REXO5: variants seen among roughly 807,000 people sequenced by gnomAD.
The protein encoded by REXO5 is exonuclease NEF-sp.
REXO5 carries 48 observed loss-of-function variants against 88.5 expected under a neutral mutation model. That is an observed-to-expected ratio of 0.54 (90% CI 0.43 to 0.69). The LOEUF (loss-of-function observed/expected upper bound fraction) is 0.69, where lower values mean the gene tolerates loss of function less well. Among genes scored for constraint, REXO5 ranks in the 30% least tolerant of loss-of-function variants. The pLI, the probability that REXO5 is intolerant of heterozygous loss-of-function variation, is 0.00. For synonymous variants in REXO5, 311 were observed against 336.5 expected, an observed-to-expected ratio of 0.92 and a Z score of 0.83; for missense variants, 749 against 912.2, an observed-to-expected ratio of 0.82 and a Z score of 2.30.
chr16:20,845,209 G>A lies in REXO5; in HGVS notation c.2092G>A (p.Val698Ile). The A allele has an allele frequency of 6.2e-7, 1 of 1,613,500 alleles. No homozygotes were observed. The highest frequency in any genetic ancestry group is 1.1e-5 in the South Asian group (1 of 90,914). ...ESTRLPGLRVVPPPFEQEALQ... is the reference protein window; with the variant it reads ...ESTRLPGLRVIPPPFEQEALQ... ...AACAAGGCTCCCAGGGCTTCGTGTT[G>A]TACCTCCCCCCTTTGAACAGGAGGC... The change falls in exon 18 of 20, where the codon GTA becomes ATA. Residue 698 changes from valine (V) to isoleucine (I), a missense_variant. Val to Ile is a conservative substitution (Grantham distance 29, BLOSUM62 3). Coordinates refer to ENST00000261377, the MANE Select transcript of REXO5 (RefSeq NM_030941.3).
chr16:20,807,421 C>A (rs917657536), intron 2 of REXO5: 3 of 287,688 alleles, frequency 1.0e-5, no homozygotes, highest in African/African-American at 2.2e-5. Flanking sequence ...CTACCAAAAA[C>A]ACACACACAA....
At chr16:20,845,744 A>C (rs1247929943) in intron 18 of REXO5, among the ~76,000 whole-genome samples, 1 of 152,074 alleles carries the variant, frequency 6.6e-6, no homozygotes, top group Non-Finnish European at 1.5e-5. Flanking sequence ...GGAAGAAATT[A>C]ACTCACTTTA....
chr16:20,808,487 C>T (rs1380465317), intron 2 of REXO5, among the ~76,000 whole-genome samples: 1 of 151,944 alleles, frequency 6.6e-6, no homozygotes, highest in African/African-American at 2.4e-5. Flanking sequence ...TGCTGGGGCA[C>T]TGACCTAGGT....
intron 2 of REXO5, among the ~76,000 whole-genome samples, chr16:20,811,552 G>A (rs2080998948): frequency 6.6e-6 from 1 of 152,036 alleles, no homozygotes; most frequent in Non-Finnish European, 1.5e-5. Flanking sequence ...TAGGGAGTTG[G>A]TTTCAAAAAA....
intron 5 of REXO5, 80 bp from the exon 6 acceptor site, chr16:20,821,682 G>A: frequency 7.6e-7 from 1 of 1,316,998 alleles, no homozygotes; most frequent in Non-Finnish European, 1.0e-6. Context: ...CTTGTGCTTA[G>A]CCTATACAAC....
intron 18 of REXO5, 144 bp downstream of exon 18, chr16:20,845,385 C>A: frequency 1.8e-6 from 1 of 554,762 alleles, no homozygotes; most frequent in Non-Finnish European, 3.0e-6. Context: ...CACATCTTTT[C>A]TCGCAGATCT....
chr16:20,841,611 A>T (rs1395409002), intron 15 of REXO5, among the ~76,000 whole-genome samples: 1 of 152,082 alleles, frequency 6.6e-6, no homozygotes, highest in East Asian at 1.9e-4. Flanking sequence ...TTTTTAATTT[A>T]ATTTTTATTT....
At position 20,813,179 on chromosome 16, in the gene REXO5, A is replaced by G. The variant is rs776280803; in HGVS notation, c.139-11A>G. 6.4e-7 allele frequency: 1 copy of G among 1,569,420 alleles called. No homozygotes were observed. The highest frequency in any genetic ancestry group is 1.4e-5 in the African/African-American group (1 of 73,948). On this transcript the variant is annotated splice_polypyrimidine_tract_variant and intron_variant, in intron 2 of 19. Coordinates refer to ENST00000261377, the MANE Select transcript of REXO5 (RefSeq NM_030941.3). The stretch of plus-strand genomic sequence containing the variant: ...AATAATGGCTTGCTACGCCCTGATT[A>G]ATCTTTGCAGAAAGCCCGCTTATCT...
intron 11 of REXO5, among the ~76,000 whole-genome samples, chr16:20,831,869 T>C (rs1413825020): frequency 6.6e-6 from 1 of 152,152 alleles, no homozygotes; most frequent in Non-Finnish European, 1.5e-5. Context: ...TGAGCCAAAA[T>C]TGACATCCTT....
chr16:20,842,214 C>T (rs1165968125), intron 15 of REXO5, among the ~76,000 whole-genome samples: 1 of 151,960 alleles, frequency 6.6e-6, no homozygotes, highest in Non-Finnish European at 1.5e-5. Context: ...CCCCCCAGCC[C>T]CTGGTAATCA....
At chr16:20,823,281 A>AT (rs944624523) in intron 6 of REXO5, among the ~76,000 whole-genome samples, 1 of 152,024 alleles carries the variant, frequency 6.6e-6, no homozygotes, top group African/African-American at 2.4e-5. Flanking sequence ...CATAAATTTT[A>AT]TTTTTTTAAT....
chr16:20,815,766 C>T (rs2081072525), intron 4 of REXO5, among the ~76,000 whole-genome samples: 1 of 152,208 alleles, frequency 6.6e-6, no homozygotes, highest in Non-Finnish European at 1.5e-5. Flanking sequence ...CTGAAGCTCT[C>T]AACCTTTTTG....
At chr16:20,826,794 T>C (rs1311514637) in intron 8 of REXO5, among the ~76,000 whole-genome samples, 2 of 152,212 alleles carry the variant, frequency 1.3e-5, no homozygotes, top group Non-Finnish European at 2.9e-5. Flanking sequence ...AAGCAGCTCA[T>C]GCATTATGAT....
At chr16:20,815,154 A>C in intron 4 of REXO5, 101 bp downstream of exon 4, 2 of 1,313,696 alleles carry the variant, frequency 1.5e-6, no homozygotes, top group Non-Finnish European at 2.1e-6. Context: ...TAACTGAACA[A>C]ACAGTAGGGG....
chr16:20,818,197 T>G (rs2081110542), intron 5 of REXO5, among the ~76,000 whole-genome samples: 1 of 152,176 alleles, frequency 6.6e-6, no homozygotes, highest in African/African-American at 2.4e-5. Context: ...TTCTCCTCCT[T>G]TTCTTCAAAG....
intron 13 of REXO5, among the ~76,000 whole-genome samples, chr16:20,836,066 A>G (rs2081424628): frequency 6.6e-6 from 1 of 152,066 alleles, no homozygotes; most frequent in Admixed American, 6.5e-5. Flanking sequence ...GAGAGTTCCC[A>G]TTTACCCCCA....
Position 20,836,171 on chromosome 16 carries a change from A to G in REXO5, c.1383+3048A>G, listed in dbSNP as rs140933385. On this transcript the variant is annotated intron_variant, in intron 13 of 19. Transcript: ENST00000261377. ...AATGAACCCACTATGACATATAATTACCAAAGTCCATAGTTTACGTTAGGG... is the reference window on the plus strand; with the variant it reads ...AATGAACCCACTATGACATATAATTGCCAAAGTCCATAGTTTACGTTAGGG... Among the ~76,000 whole-genome samples the G allele has an allele frequency of 6.6e-5, 10 of 152,310 alleles. No homozygotes were observed. In the East Asian group the frequency reaches 1.7e-3, roughly 26 times the overall value.
At position 20,807,080 on chromosome 16, in the gene REXO5, C is replaced by T. The variant is rs775174603; in HGVS notation, c.127C>T (p.Pro43Ser). Reference sequence around the variant, plus strand: ...CGGTTGGGATCTCGAGGAGAGTCAGCCCGAGGCCAAGGTGAGCAACGGGGA... The same window carrying T: ...CGGTTGGGATCTCGAGGAGAGTCAGTCCGAGGCCAAGGTGAGCAACGGGGA... Reference protein sequence around the residue: ...KAGWDLEESQPEAKKARLSTI... With the variant: ...KAGWDLEESQSEAKKARLSTI... The change falls in exon 2 of 20, where the codon CCC (proline) becomes TCC (serine). Residue 43 changes from proline to serine, a missense_variant. Pro to Ser is a moderately conservative substitution (Grantham distance 74, BLOSUM62 -1). Coordinates refer to ENST00000261377, the MANE Select transcript of REXO5 (RefSeq NM_030941.3). The T allele has an allele frequency of 3.7e-6, 6 of 1,603,326 alleles. No individual in the cohort carries two copies. In the Admixed American group the frequency reaches 5.2e-5, roughly 14 times the overall value.
At chr16:20,812,981 A>G (rs1032951635) in intron 2 of REXO5, among the ~76,000 whole-genome samples, 2 of 152,212 alleles carry the variant, frequency 1.3e-5, no homozygotes, top group Non-Finnish European at 2.9e-5. Context: ...TCTATAATTC[A>G]GTTTTGTGTC....
Sources: gnomAD v4.1 joint callset for allele counts (sites outside exome capture counted in the v4.1 genomes callset) on GRCh38, gnomAD v4.1.1 for gene constraint, MANE v1.5 for transcripts, NCBI Gene and HGNC (gene_info 2026-07-23, HGNC 2026-07-21) for gene names.